The following MAOA variants were observed in gnomAD, a reference collection of about 807,000 sequenced individuals.
The protein encoded by MAOA is amine oxidase [flavin-containing] A.
In MAOA, 6 loss-of-function variants were observed where a neutral mutation model predicts 42.0. The observed-to-expected ratio is 0.14, with a 90% CI of 0.08 to 0.28. MAOA has a LOEUF of 0.28. Among genes scored for constraint, MAOA ranks in the 10% least tolerant of loss-of-function variants. The pLI is 1.00. For synonymous variants in MAOA, 140 were observed against 154.0 expected, an observed-to-expected ratio of 0.91 and a Z score of 0.67; for missense variants, 262 against 422.3, an observed-to-expected ratio of 0.62 and a Z score of 3.33.
At chrX:43,708,645 T>C (rs1339844404) in intron 3 of MAOA, among the ~76,000 whole-genome samples, 2 of 108,017 alleles carry the variant, frequency 1.9e-5, no homozygotes, top group Non-Finnish European at 3.8e-5. Context: ...GTTATGGGCC[T>C]TTATGGTCTT....
At chrX:43,731,986 C>T in intron 8 of MAOA, 133 bp downstream of exon 8, 6 of 653,811 alleles carry the variant, frequency 9.2e-6, no homozygotes, top group Non-Finnish European at 9.4e-6. Context: ...AAATCTTGGT[C>T]TGTCAATTTC....
chrX:43,720,593 T>C, intron 5 of MAOA, among the ~76,000 whole-genome samples: 1 of 110,412 alleles, frequency 9.1e-6, no homozygotes, highest in East Asian at 2.9e-4. Context: ...TGGTACATGG[T>C]ATATTCAAGG....
At chrX:43,730,217 T>A (rs6610846) in intron 6 of MAOA, among the ~76,000 whole-genome samples, 7 of 100,862 alleles carry the variant, frequency 6.9e-5, no homozygotes, top group Non-Finnish European at 4.0e-5. Context: ...AAAAAAAGAA[T>A]CTTCTATAAT....
At chrX:43,740,650 ATTTT>A (rs397896400) in intron 10 of MAOA, 27 bp from the exon 11 acceptor site, 24 of 1,002,778 alleles carry the variant, frequency 2.4e-5, no homozygotes, top group Admixed American at 8.2e-5. Context: ...CCCTAACTTT[ATTTT>A]TTTTTTTTTT....
chrX:43,706,471 C>G (rs2033659838), intron 3 of MAOA, among the ~76,000 whole-genome samples: 1 of 110,745 alleles, frequency 9.0e-6, no homozygotes, highest in South Asian at 3.8e-4. Flanking sequence ...GAGAAGATGA[C>G]ATAAATTTCT....
At chrX:43,731,601 A>T in intron 7 of MAOA, 93 bp from the exon 8 acceptor site, 1 of 961,250 alleles carries the variant, frequency 1.0e-6, no homozygotes, top group Non-Finnish European at 1.5e-6. Flanking sequence ...TTACTGCTCA[A>T]TGTTGTTTAG....
intron 9 of MAOA, among the ~76,000 whole-genome samples, chrX:43,734,132 CTTTTTTT>C (rs745875170): frequency 3.2e-5 from 2 of 62,434 alleles, no homozygotes; most frequent in Non-Finnish European, 6.6e-5. Flanking sequence ...TTTGGGCTTT[CTTTTTTT>C]TTTTTTTTTT....
At chrX:43,675,513 C>G (rs1481296267) in intron 1 of MAOA, among the ~76,000 whole-genome samples, 1 of 112,461 alleles carries the variant, frequency 8.9e-6, no homozygotes, top group Non-Finnish European at 1.9e-5. Context: ...GGAGGAGAGG[C>G]ACTCTGCTTT....
intron 6 of MAOA, among the ~76,000 whole-genome samples, chrX:43,729,374 G>A (rs1414663112): frequency 2.7e-5 from 3 of 112,083 alleles, no homozygotes; most frequent in Non-Finnish European, 5.6e-5. Context: ...ATGACCTTTT[G>A]GAAAATATGG....
At chrX:43,716,924 T>G (rs758914330) in intron 5 of MAOA, among the ~76,000 whole-genome samples, 14 of 110,719 alleles carry the variant, frequency 1.3e-4, no homozygotes, top group Non-Finnish European at 2.1e-4. Context: ...CATGGTATCT[T>G]CCTGGAGTGA....
chrX:43,704,885 C>T, intron 3 of MAOA, among the ~76,000 whole-genome samples: 1 of 111,644 alleles, frequency 9.0e-6, no homozygotes, highest in East Asian at 2.8e-4. Context: ...CAATAAAATA[C>T]TTAGCAATAA....
At chrX:43,710,488 C>T (rs1358698733) in intron 3 of MAOA, among the ~76,000 whole-genome samples, 1 of 112,088 alleles carries the variant, frequency 8.9e-6, no homozygotes, top group Admixed American at 9.4e-5. Context: ...TGTTTTAGCC[C>T]TTTAAAAAAT....
intron 3 of MAOA, among the ~76,000 whole-genome samples, chrX:43,701,478 A>T (rs1454639644): frequency 8.9e-6 from 1 of 112,230 alleles, no homozygotes; most frequent in Non-Finnish European, 1.9e-5. Context: ...CAGTTAATTC[A>T]GTAGCATTAA....
intron 3 of MAOA, among the ~76,000 whole-genome samples, chrX:43,698,700 T>C (rs1004365593): frequency 1.8e-5 from 2 of 111,574 alleles, no homozygotes; most frequent in East Asian, 5.6e-4. Flanking sequence ...GCCTGTATCC[T>C]TCATGGATCT....
chrX:43,744,840 A>C lies in MAOA; in HGVS notation c.*327A>C, dbSNP rs995362204. The C allele has an allele frequency of 3.4e-6, 1 of 289,905 alleles. No individual in the cohort carries two copies. The highest frequency in any genetic ancestry group is 2.7e-5 in the African/African-American group (1 of 36,734). The allele number at this position is 289,905 out of a possible 1,213,427, so 23.9% of individuals were successfully genotyped here. The stretch of plus-strand genomic sequence containing the variant: ...TCTGTGTCCTGTTTTTATTCCCTTC[A>C]ATGCAAAATACATGATGATTTCAGA... On this transcript the variant is annotated 3_prime_UTR_variant, in exon 15 of 15. Coordinates refer to ENST00000338702, the MANE Select transcript of MAOA (RefSeq NM_000240.4).
chrX:43,677,268 A>G (rs2033406004), intron 1 of MAOA, among the ~76,000 whole-genome samples: 1 of 111,891 alleles, frequency 8.9e-6, no homozygotes, highest in Non-Finnish European at 1.9e-5. Flanking sequence ...ATCATCTCCT[A>G]TACCAGTTCT....
At position 43,680,558 on chromosome X, in the gene MAOA, C is replaced by G. The variant is rs189300860; in HGVS notation, c.74-2955C>G. ...TCTCCCCTCTCCTCCCCTCCATCCC[C>G]TCCCATTCCCTCTCCTTTCTTCATT... On this transcript the variant is annotated intron_variant, in intron 1 of 14. Transcript: ENST00000338702. Among the ~76,000 whole-genome samples the G allele has an allele frequency of 3.7e-3, 404 of 110,612 alleles. 2 individuals are homozygous for G. The highest frequency in any genetic ancestry group is 0.013 in the African/African-American group (390 of 30,421).
At chrX:43,693,685 G>A in intron 3 of MAOA, among the ~76,000 whole-genome samples, 1 of 110,192 alleles carries the variant, frequency 9.1e-6, no homozygotes, top group East Asian at 2.9e-4. Context: ...GCCCTCACAA[G>A]CTATCCTCAC....
chrX:43,667,852 A>G (rs1019068305), intron 1 of MAOA, among the ~76,000 whole-genome samples: 2 of 112,023 alleles, frequency 1.8e-5, no homozygotes, highest in Non-Finnish European at 3.8e-5. Flanking sequence ...CTATTCTACA[A>G]TGGGCCTATA....
Sources: allele counts gnomAD v4.1 joint callset (sites outside exome capture counted in the v4.1 genomes callset), GRCh38; gene constraint gnomAD v4.1.1; transcripts MANE v1.5; gene names NCBI Gene and HGNC (gene_info 2026-07-23, HGNC 2026-07-21).